Variants in ADAMTS17 observed in about 807,000 individuals in gnomAD.
The protein encoded by ADAMTS17 is ADAM metallopeptidase with thrombospondin type 1 motif 17, also known as A disintegrin and metalloproteinase with thrombospondin motifs 17.
In ADAMTS17, 113 loss-of-function variants were observed where a neutral mutation model predicts 141.5. The observed-to-expected ratio is 0.80, with a 90% CI of 0.69 to 0.93. The LOEUF (loss-of-function observed/expected upper bound fraction) is 0.93. Ranked by LOEUF, ADAMTS17 falls within the 40% of genes least tolerant of loss-of-function variation. The pLI, the probability that ADAMTS17 is intolerant of heterozygous loss-of-function variation, is 0.00. For synonymous variants in ADAMTS17, 768 were observed against 630.6 expected, an observed-to-expected ratio of 1.22 and a Z score of -3.27; for missense variants, 1,659 against 1,517.9, an observed-to-expected ratio of 1.09 and a Z score of -1.54.
intron 18 of ADAMTS17, among the ~76,000 whole-genome samples, chr15:100,036,325 C>T (rs73472451): frequency 0.059 from 8,997 of 152,254 alleles, 844 homozygotes; most frequent in African/African-American, 0.2. Context: ...GCCGGCACTG[C>T]GTAATGGGAA....
chr15:100,061,264 A>T (rs1351438), intron 15 of ADAMTS17, among the ~76,000 whole-genome samples: 6 of 151,972 alleles, frequency 3.9e-5, no homozygotes, highest in African/African-American at 7.3e-5. Context: ...CAGCGAAATC[A>T]GAGGAGGTGG....
At position 99,993,686 on chromosome 15, in the gene ADAMTS17, C is replaced by T. The variant is rs779158801; in HGVS notation, c.2797-486G>A. Among the ~76,000 whole-genome samples, 6 of 152,058 alleles carry T rather than the reference C, an allele frequency of 3.9e-5. No individual in the cohort carries two copies. The highest frequency in any genetic ancestry group is 5.9e-5 in the Non-Finnish European group (4 of 68,022). On this transcript the variant is annotated intron_variant, in intron 19 of 21. Transcript: ENST00000268070. This position sits in a 1 kb window ranked among gnomAD's most constrained non-coding sequence, Gnocchi z 4.3. ...CCTGGGACAAACTCCTCGATCCAGC[C>T]GGGAGAAGGAGGAGGAGGCGGCAGA...
At chr15:100,299,272 T>C (rs2044937689) in intron 3 of ADAMTS17, among the ~76,000 whole-genome samples, 1 of 151,528 alleles carries the variant, frequency 6.6e-6, no homozygotes, top group South Asian at 2.1e-4. Context: ...CAGGCCACCT[T>C]TGCACGCCCG....
At chr15:100,016,499 C>A (rs1438134759) in intron 18 of ADAMTS17, among the ~76,000 whole-genome samples, 1 of 152,176 alleles carries the variant, frequency 6.6e-6, no homozygotes, top group Non-Finnish European at 1.5e-5. Context: ...CAGACTCTGT[C>A]AAAGGAAAGG....
At chr15:100,187,217 A>G (rs1218075096) in intron 8 of ADAMTS17, among the ~76,000 whole-genome samples, 1 of 152,228 alleles carries the variant, frequency 6.6e-6, no homozygotes, top group Non-Finnish European at 1.5e-5. Flanking sequence ...ACGTTAGAGC[A>G]GGCAGTATCT....
At chr15:100,336,417 G>A (rs1014285597) in intron 2 of ADAMTS17, among the ~76,000 whole-genome samples, 2 of 152,190 alleles carry the variant, frequency 1.3e-5, no homozygotes, top group African/African-American at 2.4e-5. Flanking sequence ...ATACTTCCGT[G>A]CCTCTCAACT....
intron 14 of ADAMTS17, among the ~76,000 whole-genome samples, chr15:100,104,464 T>A (rs1296462810): frequency 2.0e-5 from 3 of 152,226 alleles, no homozygotes. Context: ...TGTTATGGTT[T>A]GAATCAGCCT....
At chr15:100,276,915 G>A (rs1310921258) in intron 4 of ADAMTS17, among the ~76,000 whole-genome samples, 2 of 152,172 alleles carry the variant, frequency 1.3e-5, no homozygotes, top group African/African-American at 4.8e-5. Flanking sequence ...TGCTGGTGGA[G>A]GTGGTCTTGT....
intron 6 of ADAMTS17, among the ~76,000 whole-genome samples, chr15:100,258,947 C>T (rs1253289809): frequency 6.7e-6 from 1 of 150,234 alleles, no homozygotes; most frequent in Non-Finnish European, 1.5e-5. Context: ...CATTTATTGC[C>T]TCTGGAAAAA....
At chr15:100,277,409 C>G (rs60965076) in intron 4 of ADAMTS17, among the ~76,000 whole-genome samples, 11,931 of 152,202 alleles carry the variant, frequency 0.078, 812 homozygotes, top group East Asian at 0.3. Context: ...TGGGATCAAA[C>G]AGCCACCCCT....
chr15:100,001,692 C>T (rs1318854894), intron 18 of ADAMTS17, among the ~76,000 whole-genome samples: 5 of 151,978 alleles, frequency 3.3e-5, no homozygotes, highest in Non-Finnish European at 7.4e-5. Context: ...AAGTCTAGGC[C>T]GGGCACAGTG....
intron 3 of ADAMTS17, among the ~76,000 whole-genome samples, chr15:100,326,337 T>G (rs1567540548): frequency 6.6e-6 from 1 of 152,186 alleles, no homozygotes; most frequent in Admixed American, 6.5e-5. Flanking sequence ...CAAAGAACAC[T>G]GGATACACTA....
intron 4 of ADAMTS17, among the ~76,000 whole-genome samples, chr15:100,279,263 T>C (rs941019350): frequency 1.3e-5 from 2 of 152,196 alleles, no homozygotes; most frequent in African/African-American, 4.8e-5. Flanking sequence ...TTGGGCTTCA[T>C]GTCAGAGCCA....
intron 8 of ADAMTS17, among the ~76,000 whole-genome samples, chr15:100,175,157 A>G (rs943940059): frequency 6.6e-6 from 1 of 152,240 alleles, no homozygotes; most frequent in African/African-American, 2.4e-5. Flanking sequence ...AAGCAAGGGT[A>G]CTCAGCTGTT....
chr15:100,178,022 T>C (rs2040398616), intron 8 of ADAMTS17, among the ~76,000 whole-genome samples: 1 of 152,214 alleles, frequency 6.6e-6, no homozygotes, highest in Non-Finnish European at 1.5e-5. Flanking sequence ...ATGTATTTTT[T>C]CAATTTTTAA....
intron 7 of ADAMTS17, among the ~76,000 whole-genome samples, chr15:100,241,912 C>T (rs2042839432): frequency 6.6e-6 from 1 of 152,178 alleles, no homozygotes; most frequent in Non-Finnish European, 1.5e-5. Flanking sequence ...AGTAGCCAGG[C>T]CCAGATTCGG....
chr15:100,282,074 T>C (rs944668318), intron 3 of ADAMTS17, among the ~76,000 whole-genome samples: 1 of 152,210 alleles, frequency 6.6e-6, no homozygotes, highest in Non-Finnish European at 1.5e-5. Flanking sequence ...AAATCTTACT[T>C]TGATAAACAG....
chr15:100,129,065 C>T (rs1425526404), intron 12 of ADAMTS17: 1 of 152,232 alleles, frequency 6.6e-6, no homozygotes, highest in Non-Finnish European at 1.5e-5. Flanking sequence ...CGCCTAGAGA[C>T]AACTTAAATG....
intron 12 of ADAMTS17, among the ~76,000 whole-genome samples, chr15:100,130,943 A>G (rs1567225135): frequency 6.6e-6 from 1 of 152,200 alleles, no homozygotes; most frequent in Non-Finnish European, 1.5e-5. Context: ...ACTATTCACA[A>G]TAGCAAAGAC....
Sources: allele counts gnomAD v4.1 joint callset (sites outside exome capture counted in the v4.1 genomes callset), GRCh38; gene constraint gnomAD v4.1.1; non-coding constraint Gnocchi (gnomAD v3.1); transcripts MANE v1.5; gene names NCBI Gene and HGNC (gene_info 2026-07-23, HGNC 2026-07-21).